TASP1: variants seen among roughly 807,000 people sequenced by gnomAD.
The protein encoded by TASP1 is threonine aspartase 1.
A neutral mutation model predicts 56.6 loss-of-function variants in TASP1; 16 were observed. The observed-to-expected ratio is 0.28, with a 90% CI of 0.19 to 0.43. The LOEUF is 0.43. Among genes scored for constraint, TASP1 ranks in the 20% least tolerant of loss-of-function variants. The probability of loss-of-function intolerance (pLI) is 1.00; values close to 1 mark genes in which losing one functional copy is unlikely to be tolerated. For synonymous variants in TASP1, 179 were observed against 184.2 expected (o/e 0.97, Z 0.23); for missense variants, 393 against 511.6 (o/e 0.77, Z 2.24).
chr20:13,202,668 T>C, the TASP1 span, among the ~76,000 whole-genome samples: 1 of 152,218 alleles, frequency 6.6e-6, no homozygotes, highest in Non-Finnish European at 1.5e-5. Flanking sequence ...CAGAATAGGT[T>C]GAGAGCAAGG....
chr20:13,310,532 C>T, the TASP1 span, among the ~76,000 whole-genome samples: 1 of 152,116 alleles, frequency 6.6e-6, no homozygotes, highest in South Asian at 2.1e-4. Context: ...TTGTCTCCTG[C>T]CCAAATATGT....
At chr20:13,228,197 T>C in the TASP1 span, among the ~76,000 whole-genome samples, 2 of 152,028 alleles carry the variant, frequency 1.3e-5, no homozygotes, top group Non-Finnish European at 2.9e-5. Context: ...GGTCTCGAAC[T>C]CTTCATCTCA....
chr20:13,565,533 T>G (rs1159405988), intron 7 of TASP1, among the ~76,000 whole-genome samples: 2 of 152,022 alleles, frequency 1.3e-5, no homozygotes, highest in Admixed American at 6.6e-5. Context: ...GGCAAAGGAC[T>G]AGGATATATA....
chr20:13,254,684 G>A, the TASP1 span, among the ~76,000 whole-genome samples: 1 of 152,202 alleles, frequency 6.6e-6, no homozygotes, highest in African/African-American at 2.4e-5. Flanking sequence ...CTCAGAGGCA[G>A]ATGACTGTGC....
intron 11 of TASP1, among the ~76,000 whole-genome samples, chr20:13,460,605 T>C (rs2044020048): frequency 6.6e-6 from 1 of 152,130 alleles, no homozygotes; most frequent in Admixed American, 6.6e-5. Context: ...ACAAGACTTA[T>C]TCTTCCTGGA....
At chr20:13,261,440 GA>G in the TASP1 span, among the ~76,000 whole-genome samples, 1 of 149,012 alleles carries the variant, frequency 6.7e-6, no homozygotes, top group Non-Finnish European at 1.5e-5. Flanking sequence ...AAAAAAAAAA[GA>G]AAAAAGAAGC....
the TASP1 span, among the ~76,000 whole-genome samples, chr20:13,249,779 C>CGTTTTGTTTT: frequency 4.0e-4 from 57 of 141,696 alleles, no homozygotes; most frequent in Admixed American, 1.8e-3. Context: ...TTTTTTGTTG[C>CGTTTTGTTTT]GTTTTGTTTT....
the TASP1 span, chr20:13,239,516 T>G: frequency 1.3e-5 from 2 of 152,208 alleles, no homozygotes; most frequent in African/African-American, 4.8e-5. Context: ...GAACGTTCTG[T>G]GTCTTGGTCC....
intron 8 of TASP1, among the ~76,000 whole-genome samples, chr20:13,535,871 A>AC (rs1331428929): frequency 1.3e-5 from 2 of 152,152 alleles, no homozygotes; most frequent in Admixed American, 1.3e-4. Flanking sequence ...ACTTAACAAT[A>AC]ACCAGACTTG....
chr20:13,456,339 CACA>C (rs1386173755), intron 11 of TASP1, among the ~76,000 whole-genome samples: 1 of 152,050 alleles, frequency 6.6e-6, no homozygotes, highest in Admixed American at 6.6e-5. Flanking sequence ...AGTCCTCTAC[CACA>C]ACAACATCCT....
At chr20:13,364,201 A>G in the TASP1 span, among the ~76,000 whole-genome samples, 20 of 152,140 alleles carry the variant, frequency 1.3e-4, no homozygotes, top group Non-Finnish European at 2.9e-4. Flanking sequence ...TGGTATATGG[A>G]TGTCCTGCTT....
At chr20:13,180,863 C>A in the TASP1 span, among the ~76,000 whole-genome samples, 1 of 152,212 alleles carries the variant, frequency 6.6e-6, no homozygotes, top group African/African-American at 2.4e-5. Flanking sequence ...GCAAATGAAC[C>A]CAATGATCTG....
chr20:13,428,963 T>C (rs1161576175), intron 12 of TASP1, among the ~76,000 whole-genome samples: 1 of 152,224 alleles, frequency 6.6e-6, no homozygotes, highest in Non-Finnish European at 1.5e-5. Flanking sequence ...CAATATGACA[T>C]GGCTTCTGCC....
intron 4 of TASP1, among the ~76,000 whole-genome samples, chr20:13,606,291 A>G (rs1016975105): frequency 6.6e-6 from 1 of 152,116 alleles, no homozygotes; most frequent in African/African-American, 2.4e-5. Flanking sequence ...ACATCTTCAC[A>G]TGGCTTTCTC....
chr20:13,289,395 C>T, the TASP1 span, among the ~76,000 whole-genome samples: 39 of 152,320 alleles, frequency 2.6e-4, no homozygotes, highest in African/African-American at 4.3e-4. Context: ...CTCCCAGGAG[C>T]GCAACCTGGG....
Position 13,569,545 on chromosome 20 carries a change from T to A in TASP1, c.530A>T (p.His177Leu). The A allele has an allele frequency of 6.2e-7, 1 of 1,612,654 alleles. No individual in the cohort carries two copies. The highest frequency in any genetic ancestry group is 8.5e-7 in the Non-Finnish European group (1 of 1,179,466). Residue 177 changes from histidine to leucine, a missense_variant, in exon 7 of 14, where the codon CAT becomes CTT. This residue lies in a region of TASP1 where 293 missense variants were observed against 354.2 expected (regional missense o/e 0.83). Transcript: ENST00000337743. ...GTTAGGAGGGCAAGAGGGTATTCCATGATCTACTGCCCATCTGTAGGCTCC... is the reference window on the plus strand; with the variant it reads ...GTTAGGAGGGCAAGAGGGTATTCCAAGATCTACTGCCCATCTGTAGGCTCC... Reference protein sequence around the residue: ...GEGAYRWAVDHGIPSCPPNIM... With the variant: ...GEGAYRWAVDLGIPSCPPNIM...
chr20:13,291,776 G>GTGAGCTAGACAAAGAA, the TASP1 span, among the ~76,000 whole-genome samples: 10 of 152,294 alleles, frequency 6.6e-5, no homozygotes, highest in Non-Finnish European at 1.3e-4. Context: ...AGCATCCTCA[G>GTGAGCTAGACAAAGAA]TGAGCTAGAC....
At chr20:13,603,218 A>G (rs1014169012) in intron 4 of TASP1, among the ~76,000 whole-genome samples, 2 of 150,988 alleles carry the variant, frequency 1.3e-5, no homozygotes, top group African/African-American at 4.9e-5. Context: ...GAGATAAATT[A>G]AGACTCCATC....
At chr20:13,489,878 T>G (rs2043461200) in intron 10 of TASP1, among the ~76,000 whole-genome samples, 1 of 152,224 alleles carries the variant, frequency 6.6e-6, no homozygotes, top group Non-Finnish European at 1.5e-5. Context: ...TATTCCCAAA[T>G]GGATACTCTA....
Sources: allele counts gnomAD v4.1 joint callset (sites outside exome capture counted in the v4.1 genomes callset), GRCh38; gene constraint gnomAD v4.1.1; regional missense constraint gnomAD v4.1.1; transcripts MANE v1.5; gene names NCBI Gene and HGNC (gene_info 2026-07-23, HGNC 2026-07-21).